Variants in DNAJA2 observed in about 807,000 individuals in gnomAD.
DNAJA2 encodes the protein DnaJ heat shock protein family (Hsp40) member A2, also known as dnaJ homolog subfamily A member 2.
In DNAJA2, 6 loss-of-function variants were observed where a neutral mutation model predicts 49.3. That is an observed-to-expected ratio of 0.12 (90% confidence interval 0.07 to 0.24). The LOEUF (loss-of-function observed/expected upper bound fraction) is 0.24, where lower values mean the gene tolerates loss of function less well. Among genes scored for constraint, DNAJA2 ranks in the 10% least tolerant of loss-of-function variants. DNAJA2 has a pLI of 1.00. For synonymous variants in DNAJA2, 160 were observed against 172.7 expected (o/e 0.93, Z 0.58); for missense variants, 347 against 516.8 (o/e 0.67, Z 3.19).
At chr16:46,970,836 C>G (rs1187046507) in intron 3 of DNAJA2, among the ~76,000 whole-genome samples, 1 of 146,170 alleles carries the variant, frequency 6.8e-6, no homozygotes, top group Non-Finnish European at 1.5e-5. Flanking sequence ...GTTGGGAGTT[C>G]GAGACCAGCA....
rs1962091219 is a variant in DNAJA2 at position 46,973,597 on chromosome 16, G to A, written c.-25C>T. 1.3e-6 allele frequency: 2 copies of A among 1,588,662 alleles called. No homozygotes were observed. The highest frequency in any genetic ancestry group is 3.4e-5 in the Admixed American group (2 of 58,596). On this transcript the variant is annotated 5_prime_UTR_variant, in exon 1 of 9. Coordinates refer to ENST00000317089, the MANE Select transcript of DNAJA2 (RefSeq NM_005880.4). The stretch of plus-strand genomic sequence containing the variant: ...TGGCGGCCGGCCGGGCAGTGCTCGG[G>A]GAGAAGGTGGCGAAGCAGACAGAGC...
chr16:46,968,565 G>C (rs1414345044), intron 3 of DNAJA2, among the ~76,000 whole-genome samples: 2 of 152,176 alleles, frequency 1.3e-5, no homozygotes, highest in African/African-American at 4.8e-5. Context: ...ATAAAACTGA[G>C]GCACAGAACA....
chr16:46,958,211 A>C (rs1027237555), intron 8 of DNAJA2, among the ~76,000 whole-genome samples: 2 of 151,784 alleles, frequency 1.3e-5, no homozygotes, highest in African/African-American at 4.8e-5. Context: ...AGCCATGATC[A>C]TGCCACTGCA....
chr16:46,958,894 C>T (rs1212994907), intron 8 of DNAJA2, 109 bp downstream of exon 8: 17 of 1,276,042 alleles, frequency 1.3e-5, no homozygotes, highest in Non-Finnish European at 1.6e-5. Context: ...CAGTGAGCCA[C>T]GATCACACCA....
At chr16:46,973,328 C>G (rs1189351579) in intron 1 of DNAJA2, among the ~76,000 whole-genome samples, 167 bp downstream of exon 1, 2 of 150,732 alleles carry the variant, frequency 1.3e-5, no homozygotes, top group African/African-American at 4.9e-5. Context: ...CCGGAGTGCG[C>G]GGCTCGCGGC....
In DNAJA2 at chr16:46,957,093, T is replaced by C; in HGVS notation, c.1175A>G (p.Asn392Ser). 6.2e-7 allele frequency: 1 copy of C among 1,614,164 alleles called. No individual in the cohort carries two copies. Among genetic ancestry groups the C allele is most frequent in the Non-Finnish European group, 8.5e-7 (1 of 1,180,042 alleles). Residue 392 changes from asparagine (N) to serine (S), a missense_variant, in exon 9 of 9, where the codon AAT (asparagine) becomes AGT (serine). Transcript: ENST00000317089. ...GCTGCTTTCTTCATCAGAGCTATCA[T>C]TATAGGCTTCACGCCTCTGACCACC... ...SGGGQRREAYNDSSDEESSSH... is the reference protein window; with the variant it reads ...SGGGQRREAYSDSSDEESSSH...
Position 46,961,327 on chromosome 16 carries a change from C to A in DNAJA2, c.775-1908G>T, listed in dbSNP as rs112927162. ...CCCGGGAGGTGGAGGTTGCAGTGAA[C>A]AGAGATCGCGCCACTGCACTCCAGC... is the stretch of plus-strand genomic sequence containing the variant. On this transcript the variant is annotated intron_variant, in intron 6 of 8. Transcript: ENST00000317089. 9.3e-3 allele frequency among the ~76,000 whole-genome samples: 1,395 copies of A among 150,542 alleles called. 13 individuals carry two copies. Among genetic ancestry groups the A allele is most frequent in the South Asian group, 0.029 (137 of 4,734 alleles).
intron 8 of DNAJA2, chr16:46,958,705 G>A (rs1451762172): frequency 7.6e-6 from 2 of 261,810 alleles, no homozygotes; most frequent in Admixed American, 5.1e-5. Flanking sequence ...CTTGAACCTG[G>A]GAGGCGGGGG....
At chr16:46,973,408 G>A in intron 1 of DNAJA2, 87 bp downstream of exon 1, 1 of 1,332,622 alleles carries the variant, frequency 7.5e-7, no homozygotes, top group Non-Finnish European at 9.9e-7. Context: ...CTCGCGGGCA[G>A]CCCAGTAGCG....
rs1207773253 is a variant in DNAJA2, at chr16:46,956,706, G to A, written c.*323C>T. ...AATGTGGGATTTAAATTTAAAATAT[G>A]AAACATAAAAATCTACACAAAACTG... On this transcript the variant is annotated 3_prime_UTR_variant, in exon 9 of 9. Transcript: ENST00000317089. The A allele has an allele frequency of 9.6e-6, 2 of 208,492 alleles. No homozygotes were observed. The highest frequency in any genetic ancestry group is 1.9e-5 in the Non-Finnish European group (2 of 103,468). 12.9% of individuals were successfully genotyped at this position (208,492 alleles called of 1,614,324 possible). A position where few individuals can be genotyped will look rare whatever the true frequency, so the allele number is the denominator to read the frequency against.
At chr16:46,970,562 C>T (rs952402644) in intron 3 of DNAJA2, among the ~76,000 whole-genome samples, 6 of 150,544 alleles carry the variant, frequency 4.0e-5, no homozygotes, top group African/African-American at 1.2e-4. Flanking sequence ...TGGCGAAACC[C>T]TGTCTCTACT....
At chr16:46,968,527 G>A (rs1448090554) in intron 3 of DNAJA2, among the ~76,000 whole-genome samples, 2 of 152,176 alleles carry the variant, frequency 1.3e-5, no homozygotes, top group East Asian at 1.9e-4. Flanking sequence ...CTTCAGAAGA[G>A]GTACAATTAT....
intron 5 of DNAJA2, among the ~76,000 whole-genome samples, chr16:46,965,641 G>A (rs927758527): frequency 7.9e-5 from 12 of 151,802 alleles, no homozygotes; most frequent in African/African-American, 2.9e-4. Context: ...GACCAGCCTG[G>A]CCAACACGGC....
intron 1 of DNAJA2, 89 bp from the exon 2 acceptor site, chr16:46,972,044 A>G (rs568640989): frequency 1.1e-6 from 1 of 928,422 alleles, no homozygotes; most frequent in Admixed American, 1.9e-5. Context: ...TCTGAGAAGT[A>G]ATGTTCTAGA....
At chr16:46,957,323 G>A in intron 8 of DNAJA2, 103 bp from the exon 9 acceptor site, 2 of 1,117,284 alleles carry the variant, frequency 1.8e-6, no homozygotes, top group South Asian at 3.1e-5. Context: ...AAAAGGGGCT[G>A]GGTGTGGTGG....
At position 46,961,209 on chromosome 16, in the gene DNAJA2, GTC is replaced by G. The variant is rs1961891238; in HGVS notation, c.775-1792_775-1791del. Among the ~76,000 whole-genome samples the G allele has an allele frequency of 2.0e-5, 3 of 151,600 alleles. No individual in the cohort carries two copies. The South Asian group carries it at 6.3e-4, about 32-fold the overall frequency. ...GTCCTGGTCATCATGGCGAAATTCT[GTC>G]TCTACTAAAAATACAAAAACTAGCT... On this transcript the variant is annotated intron_variant, in intron 6 of 8. Transcript: ENST00000317089.
Position 46,967,563 on chromosome 16 carries a change from G to A in DNAJA2, c.527C>T (p.Pro176Leu). 6.2e-7 allele frequency: 1 copy of A among 1,614,100 alleles called. No homozygotes were observed. Among genetic ancestry groups the A allele is most frequent in the Non-Finnish European group, 8.5e-7 (1 of 1,180,018 alleles). The change falls in exon 5 of 9, where the codon CCA becomes CTA. Residue 176 changes from proline to leucine, a missense_variant. Physicochemically the swap from Pro to Leu is moderately conservative, Grantham distance 98 (BLOSUM62 -3). Coordinates refer to ENST00000317089, the MANE Select transcript of DNAJA2 (RefSeq NM_005880.4). ...AGACTGCATCTGTTGTACCATCCCT[G>A]GAGCCAGCTGTCTGATCATGATGCG... ...GVRIMIRQLA[P>L]GMVQQMQSVC...
rs202243022 is a variant in DNAJA2, at chr16:46,971,910, T to C, written c.124A>G (p.Asn42Asp). The change falls in exon 2 of 9, where the codon AAT becomes GAT. Residue 42 changes from asparagine to aspartate, a missense_variant. Transcript: ENST00000317089. ...AAATAACTTACTTTGTCTCCTGCAT[T>C]TGGATTCTTATCAGGATGATATTCC... ...AKEYHPDKNP[N>D]AGDKFKEISF... 4.3e-6 allele frequency: 7 copies of C among 1,612,960 alleles called. No individual in the cohort carries two copies. The South Asian group carries it at 4.4e-5, about 10-fold the overall frequency.
At chr16:46,967,731 T>C in intron 4 of DNAJA2, 85 bp from the exon 5 acceptor site, 4 of 1,549,434 alleles carry the variant, frequency 2.6e-6, no homozygotes, top group Non-Finnish European at 1.8e-6. Context: ...TGCTTTTACC[T>C]TCATCTTCAA....
Sources: allele counts gnomAD v4.1 joint callset (sites outside exome capture counted in the v4.1 genomes callset), GRCh38; gene constraint gnomAD v4.1.1; transcripts MANE v1.5; gene names NCBI Gene and HGNC (gene_info 2026-07-23, HGNC 2026-07-21).